Variants in EYA4 observed in about 807,000 individuals in gnomAD.
EYA4 encodes protein phosphatase EYA4.
In EYA4, 31 loss-of-function variants were observed where a neutral mutation model predicts 87.9. The observed-to-expected ratio is 0.35, with a 90% CI of 0.27 to 0.48. The LOEUF (loss-of-function observed/expected upper bound fraction) is 0.48, where lower values mean the gene tolerates loss of function less well. Among genes scored for constraint, EYA4 ranks in the 20% least tolerant of loss-of-function variants. The pLI is 0.99. For synonymous variants in EYA4, 263 were observed against 270.6 expected, an observed-to-expected ratio of 0.97 and a Z score of 0.28; for missense variants, 678 against 761.4, an observed-to-expected ratio of 0.89 and a Z score of 1.29.
chr6:133,293,856 G>A lies in EYA4; in HGVS notation c.33+19043G>A, dbSNP rs1368847405. 4.6e-5 allele frequency among the ~76,000 whole-genome samples: 7 copies of A among 151,474 alleles called. No individual in the cohort carries two copies. The East Asian group carries it at 1.4e-3, about 29-fold the overall frequency. On this transcript the variant is annotated intron_variant, in intron 2 of 19. Coordinates refer to ENST00000355286, the MANE Select transcript of EYA4 (RefSeq NM_004100.5). ...GGAGGCTGAGGTTGGAGGATCACCT[G>A]AGCCCTGGAAGTGGAGGCTTTGGAA...
intron 2 of EYA4, among the ~76,000 whole-genome samples, chr6:133,316,353 A>G (rs1780620501): frequency 6.6e-6 from 1 of 152,184 alleles, no homozygotes; most frequent in Non-Finnish European, 1.5e-5. Context: ...CCCAAGGTAA[A>G]AATCTGACAG....
chr6:133,469,462 A>G (rs1795140219), intron 11 of EYA4, among the ~76,000 whole-genome samples: 1 of 152,032 alleles, frequency 6.6e-6, no homozygotes, highest in Non-Finnish European at 1.5e-5. Context: ...AAAGACTTAT[A>G]ATGTACAGTA....
intron 5 of EYA4, among the ~76,000 whole-genome samples, chr6:133,451,707 A>G (rs1034773239): frequency 6.6e-6 from 1 of 152,216 alleles, no homozygotes; most frequent in African/African-American, 2.4e-5. Flanking sequence ...TAATATGTTC[A>G]AGGTGGATGA....
At chr6:133,382,015 A>C (rs1786268042) in intron 2 of EYA4, among the ~76,000 whole-genome samples, 1 of 152,194 alleles carries the variant, frequency 6.6e-6, no homozygotes, top group Non-Finnish European at 1.5e-5. Context: ...CCTGGTGTTT[A>C]TTATTATGTG....
intron 3 of EYA4, among the ~76,000 whole-genome samples, chr6:133,390,744 C>T (rs991628310): frequency 1.3e-5 from 2 of 152,116 alleles, no homozygotes; most frequent in African/African-American, 4.8e-5. Context: ...ACTCTGTGGC[C>T]ACCCAAGGGC....
rs185925326 is a variant in EYA4 at position 133,301,814 on chromosome 6, T to G, written c.33+27001T>G. On this transcript the variant is annotated intron_variant, in intron 2 of 19. Transcript: ENST00000355286. ...TGCTTTCATTTATGTGACATGTTTT[T>G]GCCAGTTTGCATTTTGAAGGAGGAA... Among the ~76,000 whole-genome samples, 3 of 152,358 alleles carry G rather than the reference T, an allele frequency of 2.0e-5. No homozygotes were observed. In the East Asian group the frequency reaches 5.8e-4, roughly 29 times the overall value.
intron 2 of EYA4, among the ~76,000 whole-genome samples, chr6:133,343,523 C>A (rs568494433): frequency 6.6e-6 from 1 of 151,182 alleles, no homozygotes; most frequent in Non-Finnish European, 1.5e-5. Flanking sequence ...ATAGCCTCCC[C>A]CTAGCTCAAC....
chr6:133,361,289 G>C (rs1429746230), intron 2 of EYA4, among the ~76,000 whole-genome samples: 1 of 152,130 alleles, frequency 6.6e-6, no homozygotes, highest in Non-Finnish European at 1.5e-5. Context: ...TCTTTCTTTG[G>C]AACCAAGGGC....
intron 3 of EYA4, among the ~76,000 whole-genome samples, chr6:133,419,339 T>C (rs1199804689): frequency 6.6e-6 from 1 of 152,206 alleles, no homozygotes; most frequent in Non-Finnish European, 1.5e-5. Flanking sequence ...TCAATTGTGA[T>C]TTATTAAATT....
intron 3 of EYA4, among the ~76,000 whole-genome samples, chr6:133,394,291 T>TTTTG (rs1260825904): frequency 0.043 from 1,230 of 28,456 alleles, 68 homozygotes; most frequent in African/African-American, 0.061. Flanking sequence ...TGTGTTTTTT[T>TTTTG]TTTTTTTTTT....
chr6:133,461,613 T>C (rs533067192), intron 7 of EYA4, among the ~76,000 whole-genome samples: 1 of 152,116 alleles, frequency 6.6e-6, no homozygotes, highest in Non-Finnish European at 1.5e-5. Context: ...TTTAACTATA[T>C]TGGGTGTATA....
chr6:133,418,565 A>G (rs998719998), intron 3 of EYA4, among the ~76,000 whole-genome samples: 4 of 152,230 alleles, frequency 2.6e-5, no homozygotes, highest in Non-Finnish European at 5.9e-5. Context: ...ATATACACAC[A>G]AATATTAAAC....
chr6:133,494,242 T>C (rs1371237102), intron 13 of EYA4, among the ~76,000 whole-genome samples: 1 of 152,184 alleles, frequency 6.6e-6, no homozygotes, highest in Non-Finnish European at 1.5e-5. Context: ...TATTCAGCCA[T>C]AAAAAATGAG....
At chr6:133,453,759 A>G (rs1189940475) in intron 5 of EYA4, 1 of 152,102 alleles carries the variant, frequency 6.6e-6, no homozygotes, top group Non-Finnish European at 1.5e-5. Flanking sequence ...CTTCCCCTCA[A>G]ATGTTAGCAT....
At chr6:133,242,641 C>G (rs950979181) in intron 1 of EYA4, among the ~76,000 whole-genome samples, 19 of 152,052 alleles carry the variant, frequency 1.2e-4, no homozygotes, top group African/African-American at 4.3e-4. Context: ...CACAGCAACC[C>G]GAACTTTCGT....
At chr6:133,469,169 T>C (rs1168532406) in intron 11 of EYA4, among the ~76,000 whole-genome samples, 1 of 152,064 alleles carries the variant, frequency 6.6e-6, no homozygotes, top group African/African-American at 2.4e-5. Context: ...TAGTTTAATA[T>C]CTTTGTGTGA....
At chr6:133,468,028 A>T (rs372102552) in intron 10 of EYA4, among the ~76,000 whole-genome samples, 60 of 152,144 alleles carry the variant, frequency 3.9e-4, no homozygotes, top group East Asian at 2.3e-3. Flanking sequence ...GGTAAAAAAA[A>T]AATAATAATA....
chr6:133,500,511 T>A, intron 13 of EYA4, among the ~76,000 whole-genome samples: 1 of 152,144 alleles, frequency 6.6e-6, no homozygotes, highest in Admixed American at 6.5e-5. Context: ...ACTCTTCCTA[T>A]TGGAGGTTTT....
rs1458388711 is a variant in EYA4, at chr6:133,448,124, T to A, written c.222T>A (p.Thr74=). Residue 74 remains threonine, a synonymous_variant, in exon 5 of 20, where the codon ACT becomes ACA. Coordinates refer to ENST00000355286, the MANE Select transcript of EYA4 (RefSeq NM_004100.5). ...TCCTGTTCTCAGGGGAAAACATGAC[T>A]GTTTTAAACACAGCAGACTGGTTGC... ...TTNGTGGENM[T]VLNTADWLLS... 1 of 1,613,458 alleles carries A rather than the reference T, an allele frequency of 6.2e-7. No homozygotes were observed.
Sources: allele counts gnomAD v4.1 joint callset (sites outside exome capture counted in the v4.1 genomes callset), GRCh38; gene constraint gnomAD v4.1.1; transcripts MANE v1.5; gene names NCBI Gene and HGNC (gene_info 2026-07-23, HGNC 2026-07-21).